The following KCNH1 variants were observed in gnomAD, a reference collection of about 807,000 sequenced individuals.
The protein encoded by KCNH1 is potassium voltage-gated channel subfamily H member 1, also known as voltage-gated delayed rectifier potassium channel KCNH1.
In KCNH1, 27 loss-of-function variants were observed where a neutral mutation model predicts 69.2. That is an observed-to-expected ratio of 0.39 (90% CI 0.29 to 0.54). The LOEUF (loss-of-function observed/expected upper bound fraction) is 0.54, where lower values mean the gene tolerates loss of function less well. KCNH1 is among the 20% of genes least tolerant of loss of function. The pLI, the probability that KCNH1 is intolerant of heterozygous loss-of-function variation, is 0.68. For synonymous variants in KCNH1, 456 were observed against 487.7 expected (o/e 0.93, Z 0.86); for missense variants, 798 against 1,261.6 (o/e 0.63, Z 5.57).
intron 4 of KCNH1, 94 bp from the exon 5 acceptor site, chr1:211,082,992 C>G (rs1182381493): frequency 4.3e-6 from 4 of 924,690 alleles, no homozygotes; most frequent in Non-Finnish European, 6.7e-6. Flanking sequence ...GAAACAGACA[C>G]CTCCAATGCC....
intron 8 of KCNH1, among the ~76,000 whole-genome samples, chr1:210,802,198 G>A (rs959773373): frequency 3.9e-5 from 6 of 152,208 alleles, no homozygotes; most frequent in African/African-American, 7.2e-5. Flanking sequence ...TGGTGTTATG[G>A]TTATCACGGC....
At chr1:210,931,468 A>G (rs559450887) in intron 6 of KCNH1, among the ~76,000 whole-genome samples, 12 of 152,292 alleles carry the variant, frequency 7.9e-5, no homozygotes, top group African/African-American at 2.4e-4. Flanking sequence ...CTAAACTATG[A>G]GGACGCAAAG....
chr1:210,728,423 A>G (rs562561078), intron 10 of KCNH1, among the ~76,000 whole-genome samples: 69 of 152,392 alleles, frequency 4.5e-4, no homozygotes, highest in African/African-American at 1.6e-3. Context: ...AAAAGGATGG[A>G]GTAATGAACA....
At chr1:210,944,129 ACT>A (rs1225752685) in intron 6 of KCNH1, among the ~76,000 whole-genome samples, 9 of 152,184 alleles carry the variant, frequency 5.9e-5, no homozygotes, top group African/African-American at 2.2e-4. Context: ...AGCTCGGGTC[ACT>A]CTGCAGTTCC....
intron 6 of KCNH1, among the ~76,000 whole-genome samples, chr1:210,929,523 C>T (rs1687640436): frequency 6.6e-6 from 1 of 152,104 alleles, no homozygotes; most frequent in African/African-American, 2.4e-5. Flanking sequence ...AGAAGGAACA[C>T]ACCTTAAGGT....
chr1:210,865,040 A>G (rs1353514710), intron 7 of KCNH1, among the ~76,000 whole-genome samples: 2 of 152,234 alleles, frequency 1.3e-5, no homozygotes, highest in African/African-American at 2.4e-5. Flanking sequence ...GACTTAGCCT[A>G]TCACTATAAT....
chr1:210,865,670 T>C (rs1019893517), intron 7 of KCNH1, among the ~76,000 whole-genome samples: 1 of 152,240 alleles, frequency 6.6e-6, no homozygotes, highest in African/African-American at 2.4e-5. Context: ...TATCTCCAGA[T>C]AGAATGGAAG....
At chr1:211,026,187 C>T (rs1689680223) in intron 5 of KCNH1, among the ~76,000 whole-genome samples, 2 of 152,146 alleles carry the variant, frequency 1.3e-5, no homozygotes, top group South Asian at 2.1e-4. Flanking sequence ...ATTCCTCCCT[C>T]TAAGTGCAAC....
At chr1:210,910,870 C>G (rs1687214688) in intron 7 of KCNH1, among the ~76,000 whole-genome samples, 1 of 152,218 alleles carries the variant, frequency 6.6e-6, no homozygotes, top group Non-Finnish European at 1.5e-5. Context: ...CCATTATTCA[C>G]TGGTCAAGTA....
At chr1:210,991,367 AT>A (rs1688932582) in intron 6 of KCNH1, among the ~76,000 whole-genome samples, 1 of 152,174 alleles carries the variant, frequency 6.6e-6, no homozygotes, top group Non-Finnish European at 1.5e-5. Flanking sequence ...AGAAAGACAA[AT>A]ACTGCATGAT....
intron 10 of KCNH1, among the ~76,000 whole-genome samples, chr1:210,769,282 G>A (rs1224580524): frequency 1.3e-5 from 2 of 152,158 alleles, no homozygotes; most frequent in Non-Finnish European, 2.9e-5. Context: ...CCACTTATGA[G>A]CAGAGCTTTC....
chr1:210,739,518 T>C (rs923936727), intron 10 of KCNH1, among the ~76,000 whole-genome samples: 8 of 152,230 alleles, frequency 5.3e-5, no homozygotes, highest in Non-Finnish European at 1.0e-4. Context: ...GAGATGAAGC[T>C]AACTTGGCAG....
At chr1:210,814,997 G>C (rs1207564832) in intron 7 of KCNH1, among the ~76,000 whole-genome samples, 2 of 152,178 alleles carry the variant, frequency 1.3e-5, no homozygotes, top group Non-Finnish European at 2.9e-5. Context: ...TGAAGAGACT[G>C]TCTCAAAGAG....
chr1:210,925,055 AC>A (rs1415208331), intron 6 of KCNH1, among the ~76,000 whole-genome samples: 1 of 152,228 alleles, frequency 6.6e-6, no homozygotes, highest in Non-Finnish European at 1.5e-5. Context: ...TAACAATTCT[AC>A]CAGATGCACA....
intron 6 of KCNH1, among the ~76,000 whole-genome samples, chr1:210,978,289 C>T (rs1386819686): frequency 5.3e-5 from 8 of 152,120 alleles, no homozygotes; most frequent in Admixed American, 2.0e-4. Flanking sequence ...CTGCCTGCCT[C>T]GGCCTCCCAA....
chr1:210,939,504 G>C (rs1292041459), intron 6 of KCNH1, among the ~76,000 whole-genome samples: 1 of 152,134 alleles, frequency 6.6e-6, no homozygotes, highest in Admixed American at 6.6e-5. Flanking sequence ...GATGTCCTGA[G>C]GCAGGATTGG....
rs1683586857 is a variant in KCNH1 at position 210,764,560 on chromosome 1, G to C, written c.2112+10788C>G. Among the ~76,000 whole-genome samples, 4 of 152,086 alleles carry C rather than the reference G, an allele frequency of 2.6e-5. No homozygotes were observed. The South Asian group carries it at 8.3e-4, about 31-fold the overall frequency. The stretch of plus-strand genomic sequence containing the variant: ...TCATTAAAAAGTGGGCAAACGACAT[G>C]AACAGATGCTTCTCAAAGGAAGACA... On this transcript the variant is annotated intron_variant, in intron 10 of 10. Coordinates refer to ENST00000271751, the MANE Select transcript of KCNH1 (RefSeq NM_172362.3).
intron 6 of KCNH1, among the ~76,000 whole-genome samples, chr1:210,941,606 G>C (rs1247541892): frequency 6.6e-6 from 1 of 152,126 alleles, no homozygotes; most frequent in East Asian, 1.9e-4. Flanking sequence ...CTGCGAGGCA[G>C]AGCACCCTCA....
rs560073239 is a variant in KCNH1 at position 211,023,093 on chromosome 1, A to T, written c.559-3837T>A. Among the ~76,000 whole-genome samples, 6 of 151,750 alleles carry T rather than the reference A, an allele frequency of 4.0e-5. No homozygotes were observed. The South Asian group carries it at 1.0e-3, about 26-fold the overall frequency. ...GCCACTGCACTCCAGCCTGGGCGAC[A>T]GAGCTAGACTCTGTCTCAGAAAAAA... On this transcript the variant is annotated intron_variant, in intron 5 of 10. Coordinates refer to ENST00000271751, the MANE Select transcript of KCNH1 (RefSeq NM_172362.3).
Sources: allele counts gnomAD v4.1 joint callset (sites outside exome capture counted in the v4.1 genomes callset), GRCh38; gene constraint gnomAD v4.1.1; transcripts MANE v1.5; gene names NCBI Gene and HGNC (gene_info 2026-07-23, HGNC 2026-07-21).